The following CYRIB variants were observed in gnomAD, a reference collection of about 807,000 sequenced individuals.
CYRIB encodes the protein CYFIP related Rac1 interactor B, also known as CYFIP-related Rac1 interactor B.
In CYRIB, 8 loss-of-function variants were observed where a neutral mutation model predicts 44.2. The observed-to-expected ratio is 0.18, with a 90% CI of 0.11 to 0.33. CYRIB has a LOEUF of 0.33. Among genes scored for constraint, CYRIB ranks in the 10% least tolerant of loss-of-function variants. The probability of loss-of-function intolerance (pLI) is 1.00; values close to 1 mark genes in which losing one functional copy is unlikely to be tolerated. For synonymous variants in CYRIB, 131 were observed against 127.2 expected (o/e 1.03, Z -0.20); for missense variants, 185 against 382.8 (o/e 0.48, Z 4.31).
chr8:129,927,646 A>T (rs939379262), intron 1 of CYRIB, among the ~76,000 whole-genome samples: 1 of 152,244 alleles, frequency 6.6e-6, no homozygotes, highest in African/African-American at 2.4e-5. Context: ...TCACCAAAAC[A>T]GCGACTACCT....
At chr8:129,947,371 T>C (rs976508655) in intron 2 of CYRIB, among the ~76,000 whole-genome samples, 1 of 152,074 alleles carries the variant, frequency 6.6e-6, no homozygotes, top group Non-Finnish European at 1.5e-5. Context: ...CTAATTATTT[T>C]ACATTTTTAG....
At chr8:129,953,347 C>A (rs2094601350) in intron 2 of CYRIB, among the ~76,000 whole-genome samples, 1 of 152,154 alleles carries the variant, frequency 6.6e-6, no homozygotes, top group Admixed American at 6.6e-5. Context: ...CGTGAGCGGA[C>A]TCTTGACCCC....
chr8:129,957,920 G>A (rs1326246040), intron 2 of CYRIB, among the ~76,000 whole-genome samples: 3 of 148,744 alleles, frequency 2.0e-5, no homozygotes, highest in Admixed American at 6.8e-5. Flanking sequence ...AGCCGAGATC[G>A]CGCCACTGCA....
intron 2 of CYRIB, among the ~76,000 whole-genome samples, chr8:129,895,251 C>G (rs989073429): frequency 6.8e-6 from 1 of 147,064 alleles, no homozygotes; most frequent in Non-Finnish European, 1.5e-5. Context: ...AATCCTCCCC[C>G]ACCCTGGCCT....
intron 2 of CYRIB, among the ~76,000 whole-genome samples, chr8:129,953,236 A>G (rs1364182967): frequency 2.0e-5 from 3 of 152,184 alleles, no homozygotes; most frequent in Non-Finnish European, 4.4e-5. Context: ...GGGCTAGAAG[A>G]GTTCCTTCCA....
Position 129,895,867 on chromosome 8 carries a change from C to T in CYRIB, c.-11+7445G>A, listed in dbSNP as rs189711859. ...ACAATTACAGGCGTGAGCCACTGCA[C>T]CTGGTTTATTTGATCATTTAAAAAT... On this transcript the variant is annotated intron_variant, in intron 2 of 11. Transcript: ENST00000519824. Among the ~76,000 whole-genome samples, 70 of 152,274 alleles carry T rather than the reference C, an allele frequency of 4.6e-4. No individual in the cohort carries two copies. The South Asian group carries it at 0.01, about 22-fold the overall frequency.
At chr8:129,880,802 CAAAT>C (rs1013783956) in intron 2 of CYRIB, among the ~76,000 whole-genome samples, 5 of 152,242 alleles carry the variant, frequency 3.3e-5, no homozygotes, top group African/African-American at 1.2e-4. Flanking sequence ...CTAGATTTCT[CAAAT>C]AAGTAACTAT....
At chr8:129,867,187 A>C (rs1366482354) in intron 4 of CYRIB, among the ~76,000 whole-genome samples, 1 of 151,884 alleles carries the variant, frequency 6.6e-6, no homozygotes, top group Non-Finnish European at 1.5e-5. Flanking sequence ...GCAATGGTGC[A>C]ATCTCAGCTC....
intron 1 of CYRIB, among the ~76,000 whole-genome samples, chr8:129,925,784 T>G (rs898239284): frequency 1.3e-5 from 2 of 152,218 alleles, no homozygotes; most frequent in Non-Finnish European, 2.9e-5. Context: ...TTGCAGGAGT[T>G]ACACATTAAG....
chr8:130,015,343 A>T (rs2097317138), intron 1 of CYRIB, among the ~76,000 whole-genome samples: 1 of 152,176 alleles, frequency 6.6e-6, no homozygotes, highest in Non-Finnish European at 1.5e-5. Context: ...GACACTTTCT[A>T]TCACTGCGCC....
intron 4 of CYRIB, among the ~76,000 whole-genome samples, chr8:129,867,408 G>A (rs1409112037): frequency 6.7e-6 from 1 of 148,276 alleles, no homozygotes; most frequent in Non-Finnish European, 1.5e-5. Flanking sequence ...TACAGGGTGT[G>A]TGCCACCAAT....
At chr8:130,007,787 A>G (rs1259566073) in intron 1 of CYRIB, among the ~76,000 whole-genome samples, 3 of 149,560 alleles carry the variant, frequency 2.0e-5, no homozygotes, top group Non-Finnish European at 4.4e-5. Flanking sequence ...TCCATCTCCA[A>G]AAACAGCAAC....
intron 11 of CYRIB, 51 bp from the exon 14 acceptor site, chr8:129,842,256 A>G: frequency 7.7e-7 from 1 of 1,297,130 alleles, no homozygotes. Flanking sequence ...AAAAATAATC[A>G]GCATCGGGTT....
chr8:129,880,960 C>T (rs545925747), intron 2 of CYRIB, among the ~76,000 whole-genome samples: 2 of 152,228 alleles, frequency 1.3e-5, no homozygotes, highest in East Asian at 3.9e-4. Context: ...TCTAAAAAAA[C>T]TTTACCACAC....
At chr8:129,957,792 C>T (rs983861897) in intron 2 of CYRIB, among the ~76,000 whole-genome samples, 5 of 151,836 alleles carry the variant, frequency 3.3e-5, no homozygotes, top group Admixed American at 1.3e-4. Context: ...GGTGAAACCC[C>T]GTCTCTACTA....
intron 1 of CYRIB, among the ~76,000 whole-genome samples, chr8:129,980,993 A>AAC (rs371518934): frequency 1.3e-5 from 2 of 151,946 alleles, no homozygotes; most frequent in African/African-American, 4.8e-5. Context: ...CAAAAAAAAA[A>AAC]ACACACACAC....
At chr8:129,855,840 A>C (rs2045951164) in intron 5 of CYRIB, 93 bp from the exon 8 acceptor site, 4 of 1,211,856 alleles carry the variant, frequency 3.3e-6, no homozygotes, top group Non-Finnish European at 3.4e-6. Context: ...GTTAATTCCC[A>C]GAAAAGTTCT....
chr8:129,987,148 G>C (rs186604316), intron 1 of CYRIB, among the ~76,000 whole-genome samples: 1 of 152,342 alleles, frequency 6.6e-6, no homozygotes, highest in East Asian at 1.9e-4. Flanking sequence ...CTTGAAAGGA[G>C]AGACTGCTTG....
rs139454049 is a variant in CYRIB, at chr8:129,997,056, G to C, written c.-296+19314C>G. Among the ~76,000 whole-genome samples, 630 of 96,978 alleles carry C rather than the reference G, an allele frequency of 6.5e-3. 10 individuals carry two copies. The highest frequency in any genetic ancestry group is 0.029 in the Admixed American group (280 of 9,804). 63.6% of individuals were successfully genotyped at this position (96,978 alleles called of 152,430 possible). On this transcript the variant is annotated intron_variant, in intron 1 of 14. Coordinates refer to the CYRIB transcript ENST00000401979. ...CCTTTGTGAAGGAAGGAAGGAAGGA[G>C]GGAGGGAGGGAGGGAGGGAGGGAGG...
Sources: allele counts gnomAD v4.1 joint callset (sites outside exome capture counted in the v4.1 genomes callset), GRCh38; gene constraint gnomAD v4.1.1; transcripts MANE v1.5; gene names NCBI Gene and HGNC (gene_info 2026-07-23, HGNC 2026-07-21).